Variants in SPRR2G observed in about 807,000 individuals in gnomAD.
The protein encoded by SPRR2G is small proline-rich protein 2G.
In SPRR2G, 1 loss-of-function variant was observed where a neutral mutation model predicts 0.7. The observed-to-expected ratio is 1.49, with a 90% CI of 0.53 to 7.06. The LOEUF (loss-of-function observed/expected upper bound fraction) is 7.06, where lower values mean the gene tolerates loss of function less well. SPRR2G is among the 30% of genes most tolerant of loss of function. SPRR2G has a pLI of 0.14. For missense variants in SPRR2G, 96 were observed against 88.5 expected (o/e 1.09, Z -0.34); for synonymous variants, 38 against 33.9 (o/e 1.12, Z -0.42).
At chr1:153,184,979 T>C in the SPRR2G span, among the ~76,000 whole-genome samples, 1 of 152,198 alleles carries the variant, frequency 6.6e-6, no homozygotes, top group Admixed American at 6.5e-5. Flanking sequence ...GTTTTTATCA[T>C]TGGTTCTGTT....
chr1:153,187,961 C>G, the SPRR2G span, among the ~76,000 whole-genome samples: 2 of 152,198 alleles, frequency 1.3e-5, no homozygotes, highest in Non-Finnish European at 2.9e-5. Flanking sequence ...AGTCAGGCCC[C>G]TCTTCTGCAG....
At chr1:153,176,811 T>A in the SPRR2G span, among the ~76,000 whole-genome samples, 1 of 152,234 alleles carries the variant, frequency 6.6e-6, no homozygotes, top group Non-Finnish European at 1.5e-5. Flanking sequence ...TTAAGGCTAA[T>A]GTGAGTAAGA....
the SPRR2G span, among the ~76,000 whole-genome samples, chr1:153,156,353 G>T: frequency 2.6e-5 from 4 of 152,062 alleles, no homozygotes; most frequent in African/African-American, 9.7e-5. Flanking sequence ...TAGATTTGGG[G>T]CTCCTATATT....
chr1:153,182,096 A>G, the SPRR2G span, among the ~76,000 whole-genome samples: 1 of 152,004 alleles, frequency 6.6e-6, no homozygotes, highest in Non-Finnish European at 1.5e-5. Flanking sequence ...CATCTTTTTG[A>G]TCATAGCCAT....
At chr1:153,159,332 C>T in the SPRR2G span, among the ~76,000 whole-genome samples, 1 of 152,310 alleles carries the variant, frequency 6.6e-6, no homozygotes, top group African/African-American at 2.4e-5. Flanking sequence ...TAAAGCATAG[C>T]AGCAGTGACC....
At chr1:153,165,687 A>AGAAATAATGAAAAGTCTAAGAC in the SPRR2G span, among the ~76,000 whole-genome samples, 3,328 of 152,288 alleles carry the variant, frequency 0.022, 110 homozygotes, top group East Asian at 0.1. Context: ...GGGAAGTGGC[A>AGAAATAATGAAAAGTCTAAGAC]GAAATAATGA....
chr1:153,158,838 C>T, the SPRR2G span, among the ~76,000 whole-genome samples: 2 of 152,214 alleles, frequency 1.3e-5, no homozygotes, highest in African/African-American at 4.8e-5. Context: ...GACCCAACAC[C>T]ATATGGAAGC....
chr1:153,194,288 A>G, the SPRR2G span, among the ~76,000 whole-genome samples: 1 of 152,222 alleles, frequency 6.6e-6, no homozygotes, highest in Non-Finnish European at 1.5e-5. Context: ...CTATTAATAG[A>G]ATATATCAAA....
chr1:153,151,168 C>T (rs999361896), upstream of SPRR2G, among the ~76,000 whole-genome samples: 2 of 152,148 alleles, frequency 1.3e-5, no homozygotes, highest in African/African-American at 4.8e-5. Flanking sequence ...AGAGATGGTG[C>T]TTCTCCTACT....
At chr1:153,199,015 C>T in the SPRR2G span, among the ~76,000 whole-genome samples, 1 of 152,152 alleles carries the variant, frequency 6.6e-6, no homozygotes, top group African/African-American at 2.4e-5. Context: ...ATATAGGACA[C>T]AACTGTAACA....
At chr1:153,195,882 A>G in the SPRR2G span, among the ~76,000 whole-genome samples, 1 of 152,080 alleles carries the variant, frequency 6.6e-6, no homozygotes, top group South Asian at 2.1e-4. Flanking sequence ...AACTCTCATG[A>G]GCAACAAGGA....
chr1:153,176,966 GC>G, the SPRR2G span, among the ~76,000 whole-genome samples: 1 of 152,088 alleles, frequency 6.6e-6, no homozygotes, highest in Non-Finnish European at 1.5e-5. Flanking sequence ...TATTTCCAAT[GC>G]CCCCTTGCAG....
At chr1:153,170,543 T>C in the SPRR2G span, among the ~76,000 whole-genome samples, 3 of 151,850 alleles carry the variant, frequency 2.0e-5, no homozygotes, top group Non-Finnish European at 4.4e-5. Flanking sequence ...AAGGTAGACC[T>C]GGGTTTAGGA....
chr1:153,185,304 G>A, the SPRR2G span, among the ~76,000 whole-genome samples: 1 of 150,584 alleles, frequency 6.6e-6, no homozygotes. Context: ...TTGTACCTCT[G>A]GTAGAATTTG....
the SPRR2G span, among the ~76,000 whole-genome samples, chr1:153,175,120 T>G: frequency 5.3e-5 from 8 of 152,140 alleles, 1 homozygote; most frequent in Non-Finnish European, 1.0e-4. Context: ...CTCCTCTATA[T>G]CTTCCATTTA....
At chr1:153,187,670 T>A in the SPRR2G span, among the ~76,000 whole-genome samples, 1 of 152,128 alleles carries the variant, frequency 6.6e-6, no homozygotes, top group Admixed American at 6.5e-5. Flanking sequence ...CAGAGGAGTT[T>A]GTTATTACCA....
the SPRR2G span, among the ~76,000 whole-genome samples, chr1:153,171,916 C>G: frequency 7.4e-4 from 113 of 152,294 alleles, 1 homozygote; most frequent in African/African-American, 2.7e-3. Context: ...CCATGCCCCC[C>G]GAATCCCCAG....
chr1:153,163,592 C>G, the SPRR2G span, among the ~76,000 whole-genome samples: 2 of 151,884 alleles, frequency 1.3e-5, no homozygotes, highest in African/African-American at 4.8e-5. Flanking sequence ...GTGTCCCATC[C>G]TCTTTTTGGA....
At chr1:153,182,323 A>C in the SPRR2G span, among the ~76,000 whole-genome samples, 3 of 151,476 alleles carry the variant, frequency 2.0e-5, no homozygotes, top group Non-Finnish European at 4.4e-5. Context: ...TTATATTTTA[A>C]GAATTTTTTT....
Sources: allele counts gnomAD v4.1 joint callset (sites outside exome capture counted in the v4.1 genomes callset), GRCh38; gene constraint gnomAD v4.1.1; transcripts MANE v1.5; gene names NCBI Gene and HGNC (gene_info 2026-07-23, HGNC 2026-07-21).